LYPD6B: variants seen among roughly 807,000 people sequenced by gnomAD.
The protein encoded by LYPD6B is LY6/PLAUR domain containing 6B.
LYPD6B carries 17 observed loss-of-function variants against 22.8 expected under a neutral mutation model. The observed-to-expected ratio is 0.75, with a 90% confidence interval of 0.51 to 1.12. LYPD6B has a LOEUF of 1.12. Among genes scored for constraint, LYPD6B ranks in the 50% most tolerant of loss-of-function variants. The pLI is 0.00. For missense variants in LYPD6B, 221 were observed against 258.3 expected (o/e 0.86, Z 0.99); for synonymous variants, 106 against 91.6 (o/e 1.16, Z -0.90).
chr2:149,141,822 C>A (rs1688713014), intron 2 of LYPD6B, among the ~76,000 whole-genome samples: 1 of 152,166 alleles, frequency 6.6e-6, no homozygotes, highest in Non-Finnish European at 1.5e-5. Flanking sequence ...GTCAGCAAGG[C>A]CATGCTTCCT....
intron 2 of LYPD6B, among the ~76,000 whole-genome samples, chr2:149,135,490 C>A (rs912996508): frequency 1.3e-5 from 2 of 151,644 alleles, no homozygotes; most frequent in Non-Finnish European, 2.9e-5. Flanking sequence ...AAGGCCAAGG[C>A]GGGTGGATCA....
chr2:149,154,770 A>G (rs1404614333), intron 2 of LYPD6B, among the ~76,000 whole-genome samples: 2 of 152,158 alleles, frequency 1.3e-5, no homozygotes, highest in African/African-American at 4.8e-5. Flanking sequence ...AGGAAAAACT[A>G]TTTCAAAAGC....
At chr2:149,143,967 T>C (rs958810198) in intron 2 of LYPD6B, 2 of 152,228 alleles carry the variant, frequency 1.3e-5, no homozygotes, top group Non-Finnish European at 2.9e-5. Flanking sequence ...GTAAGTGTGG[T>C]CAGCAAGTCC....
At chr2:149,173,394 T>C (rs1178690564) in intron 3 of LYPD6B, among the ~76,000 whole-genome samples, 2 of 119,782 alleles carry the variant, frequency 1.7e-5, no homozygotes, top group Non-Finnish European at 3.3e-5. Context: ...CTATGAAACA[T>C]AGTAGCTGCC....
chr2:149,126,319 G>A (rs1219650904), intron 1 of LYPD6B, among the ~76,000 whole-genome samples: 1 of 152,166 alleles, frequency 6.6e-6, no homozygotes, highest in Non-Finnish European at 1.5e-5. Flanking sequence ...ATCCATGTAT[G>A]ATTTCTAACT....
At chr2:149,043,511 G>A (rs1254985857) in intron 1 of LYPD6B, among the ~76,000 whole-genome samples, 1 of 152,098 alleles carries the variant, frequency 6.6e-6, no homozygotes, top group Non-Finnish European at 1.5e-5. Context: ...GAGTTTTCTT[G>A]TTGTTCAGTA....
At chr2:149,131,058 G>T (rs574193822) in intron 2 of LYPD6B, 105 bp downstream of exon 2, 2 of 772,324 alleles carry the variant, frequency 2.6e-6, no homozygotes, top group African/African-American at 3.4e-5. Flanking sequence ...TTAAACATTT[G>T]TGATCTGGAG....
At chr2:149,184,649 T>A (rs1162032504) in intron 3 of LYPD6B, among the ~76,000 whole-genome samples, 1 of 152,248 alleles carries the variant, frequency 6.6e-6, no homozygotes, top group Non-Finnish European at 1.5e-5. Context: ...TTGGCTGTTG[T>A]TTTCCTGATG....
At chr2:149,040,185 G>A (rs749859908) in intron 1 of LYPD6B, among the ~76,000 whole-genome samples, 3 of 150,214 alleles carry the variant, frequency 2.0e-5, no homozygotes, top group Admixed American at 6.6e-5. Flanking sequence ...TTCTCTATCC[G>A]TATAGCAGTC....
chr2:149,098,823 T>TGACG (rs1195768601), intron 1 of LYPD6B, among the ~76,000 whole-genome samples: 1 of 151,120 alleles, frequency 6.6e-6, no homozygotes, highest in Non-Finnish European at 1.5e-5. Context: ...AAATGCATGA[T>TGACG]GACGGGACTT....
rs374382904 is a variant in LYPD6B at position 149,213,031 on chromosome 2, A to G, written c.368A>G (p.His123Arg). 5.6e-6 allele frequency: 9 copies of G among 1,613,874 alleles called. No individual in the cohort carries two copies. The highest frequency in any genetic ancestry group is 5.9e-6 in the Non-Finnish European group (7 of 1,179,860). The change falls in exon 6 of 7, where the codon CAC becomes CGC. Residue 123 changes from histidine to arginine, a missense_variant. By Grantham distance (29) the His-to-Arg change is conservative (BLOSUM62 0). Coordinates refer to ENST00000409642, the MANE Select transcript of LYPD6B (RefSeq NM_177964.5). ...TTGACAGTTCATCACTTCACCAGCC[A>G]CGGAAGAAGCACATCCATCACCAAA... Reference protein sequence around the residue: ...YCLTVHHFTSHGRSTSITKKC... With the variant: ...YCLTVHHFTSRGRSTSITKKC...
chr2:149,126,811 C>T (rs1489902027), intron 1 of LYPD6B, among the ~76,000 whole-genome samples: 1 of 152,210 alleles, frequency 6.6e-6, no homozygotes, highest in African/African-American at 2.4e-5. Flanking sequence ...ATTCTCTATT[C>T]TCTCCTTCTA....
chr2:149,039,039 C>T (rs1284174993), intron 1 of LYPD6B, among the ~76,000 whole-genome samples: 1 of 150,702 alleles, frequency 6.6e-6, no homozygotes, highest in Non-Finnish European at 1.5e-5. Context: ...AACATCTGGA[C>T]GGGACGGGAG....
chr2:149,154,203 G>GA, intron 2 of LYPD6B: 1 of 149,886 alleles, frequency 6.7e-6, no homozygotes, highest in Non-Finnish European at 1.4e-5. Context: ...AGCTCATCCT[G>GA]GATTGAATGT....
chr2:149,089,089 A>G (rs147704029), intron 1 of LYPD6B, among the ~76,000 whole-genome samples: 70 of 152,334 alleles, frequency 4.6e-4, no homozygotes, highest in African/African-American at 1.4e-3. Flanking sequence ...AGTGTGTAGT[A>G]TAGTGCCTAG....
At position 149,155,364 on chromosome 2, in the gene LYPD6B, C is replaced by A. The variant is rs1689630730; in HGVS notation, c.6-5400C>A. On this transcript the variant is annotated intron_variant, in intron 2 of 6. Transcript: ENST00000409642. ...TGCATCAGGCCCTCTCCTTTTCCTT[C>A]CACTGCTGAAACTTGGCAGGTGCAA... 2.0e-5 allele frequency among the ~76,000 whole-genome samples: 3 copies of A among 152,202 alleles called. No individual in the cohort carries two copies. In the South Asian group the frequency reaches 6.2e-4, roughly 31 times the overall value.
intron 4 of LYPD6B, chr2:149,206,333 G>A (rs923497595): frequency 4.7e-6 from 1 of 211,250 alleles, no homozygotes; most frequent in African/African-American, 2.3e-5. Context: ...TATCATTACT[G>A]TTCTTTACTT....
Position 149,205,414 on chromosome 2 carries a change from G to T in LYPD6B, c.229+10G>T. 1 of 1,612,944 alleles carries T rather than the reference G, an allele frequency of 6.2e-7. No homozygotes were observed. Among genetic ancestry groups the T allele is most frequent in the South Asian group, 1.1e-5 (1 of 90,826 alleles). On this transcript the variant is annotated intron_variant, in intron 4 of 6. Coordinates refer to ENST00000409642, the MANE Select transcript of LYPD6B (RefSeq NM_177964.5). ...AGGCCTCCTCTCGACCGTAAGTAGTGGTGGTTGCCATCCTAGTTCATGGCT... is the reference window on the plus strand; with the variant it reads ...AGGCCTCCTCTCGACCGTAAGTAGTTGTGGTTGCCATCCTAGTTCATGGCT...
intron 2 of LYPD6B, among the ~76,000 whole-genome samples, chr2:149,149,780 A>G (rs1301303265): frequency 1.3e-5 from 2 of 152,214 alleles, no homozygotes; most frequent in Non-Finnish European, 2.9e-5. Context: ...GAAAGTATCC[A>G]TGAATCAATC....
Sources: gnomAD v4.1 joint callset for allele counts (sites outside exome capture counted in the v4.1 genomes callset) on GRCh38, gnomAD v4.1.1 for gene constraint, MANE v1.5 for transcripts, NCBI Gene and HGNC (gene_info 2026-07-23, HGNC 2026-07-21) for gene names.